PAK1: variants seen among roughly 807,000 people sequenced by gnomAD.
PAK1 encodes the protein serine/threonine-protein kinase PAK 1.
A neutral mutation model predicts 67.4 loss-of-function variants in PAK1; 29 were observed. The observed-to-expected ratio is 0.43, with a 90% confidence interval of 0.32 to 0.59. The LOEUF (loss-of-function observed/expected upper bound fraction) is 0.59, where lower values mean the gene tolerates loss of function less well. PAK1 is among the 20% of genes least tolerant of loss of function. PAK1 has a pLI of 0.07. For missense variants in PAK1, 337 were observed against 670.7 expected, an observed-to-expected ratio of 0.50 and a Z score of 5.50; for synonymous variants, 223 against 237.4, an observed-to-expected ratio of 0.94 and a Z score of 0.56.
At chr11:77,518,033 A>G in the PAK1 span, among the ~76,000 whole-genome samples, 1 of 152,190 alleles carries the variant, frequency 6.6e-6, no homozygotes, top group African/African-American at 2.4e-5. Context: ...ATTATTCCAG[A>G]CAATAAAACT....
At chr11:77,350,694 C>A (rs747583629) in intron 8 of PAK1, among the ~76,000 whole-genome samples, 3 of 152,136 alleles carry the variant, frequency 2.0e-5, no homozygotes, top group Non-Finnish European at 2.9e-5. Flanking sequence ...TGTAAGCATG[C>A]CTTGCAGCTA....
intron 5 of PAK1, among the ~76,000 whole-genome samples, chr11:77,361,832 TTCA>T (rs1464613095): frequency 6.6e-6 from 1 of 152,194 alleles, no homozygotes; most frequent in African/African-American, 2.4e-5. Flanking sequence ...AGCACTTTTA[TTCA>T]TCATATGTTC....
At chr11:77,504,727 G>A in the PAK1 span, among the ~76,000 whole-genome samples, 1 of 152,182 alleles carries the variant, frequency 6.6e-6, no homozygotes, top group Admixed American at 6.5e-5. Context: ...CCATACTTAA[G>A]GATTGCTGAG....
chr11:77,528,124 C>T, the PAK1 span, among the ~76,000 whole-genome samples: 1 of 152,012 alleles, frequency 6.6e-6, no homozygotes, highest in Non-Finnish European at 1.5e-5. Flanking sequence ...CCCAGCCTAT[C>T]CCCACAAACA....
chr11:77,336,990 A>G (rs1419839717), intron 12 of PAK1, among the ~76,000 whole-genome samples: 2 of 151,738 alleles, frequency 1.3e-5, no homozygotes, highest in African/African-American at 4.9e-5. Flanking sequence ...GAAAGAAATT[A>G]TACAAAACTC....
intron 1 of PAK1, among the ~76,000 whole-genome samples, chr11:77,403,459 T>C (rs1042074799): frequency 4.6e-5 from 7 of 152,214 alleles, no homozygotes; most frequent in African/African-American, 7.2e-5. Context: ...TTCCAATACA[T>C]AGAATGAATC....
intron 1 of PAK1, among the ~76,000 whole-genome samples, chr11:77,473,176 G>A (rs1015059782): frequency 4.6e-5 from 7 of 152,334 alleles, no homozygotes; most frequent in African/African-American, 1.7e-4. Context: ...TCCTCGTAGC[G>A]GGACAGGGTG....
intron 1 of PAK1, among the ~76,000 whole-genome samples, chr11:77,427,074 C>T (rs963910578): frequency 1.3e-5 from 2 of 152,106 alleles, no homozygotes; most frequent in African/African-American, 2.4e-5. Context: ...CTCTAGAAAC[C>T]CCCACATGCT....
the PAK1 span, among the ~76,000 whole-genome samples, chr11:77,503,501 C>G: frequency 6.6e-6 from 1 of 152,194 alleles, no homozygotes; most frequent in East Asian, 1.9e-4. Context: ...ATTGAGAACC[C>G]CAAAGAATGT....
chr11:77,453,135 G>A (rs577141031), intron 1 of PAK1, among the ~76,000 whole-genome samples: 2 of 152,274 alleles, frequency 1.3e-5, no homozygotes, highest in South Asian at 2.1e-4. Context: ...CAAGCAGATC[G>A]CCTGAGGTCA....
intron 6 of PAK1, among the ~76,000 whole-genome samples, chr11:77,357,941 T>C (rs1946260756): frequency 6.6e-6 from 1 of 152,106 alleles, no homozygotes; most frequent in Non-Finnish European, 1.5e-5. Context: ...AAAAAAACCA[T>C]ATCAGTGTTA....
intron 1 of PAK1, among the ~76,000 whole-genome samples, chr11:77,437,366 T>G (rs1956171854): frequency 6.6e-6 from 1 of 152,224 alleles, no homozygotes. Context: ...ACAGTGATAG[T>G]AAGAGTACCT....
At chr11:77,464,607 G>A (rs1957509032) in intron 1 of PAK1, among the ~76,000 whole-genome samples, 1 of 152,194 alleles carries the variant, frequency 6.6e-6, no homozygotes, top group South Asian at 2.1e-4. Context: ...CTATAGAGCT[G>A]TACAGATGCT....
chr11:77,514,420 G>A, the PAK1 span, among the ~76,000 whole-genome samples: 5 of 152,092 alleles, frequency 3.3e-5, no homozygotes, highest in Admixed American at 6.6e-5. Context: ...ACTTGAACCT[G>A]GGAGGCAGAG....
intron 5 of PAK1, among the ~76,000 whole-genome samples, chr11:77,373,648 C>T (rs536738623): frequency 2.1e-5 from 3 of 139,590 alleles, no homozygotes; most frequent in Admixed American, 2.1e-4. Flanking sequence ...ATCAACATCA[C>T]ATTTTATCCC....
intron 13 of PAK1, 131 bp from the exon 14 acceptor site, chr11:77,332,998 T>A: frequency 1.3e-6 from 1 of 768,988 alleles, no homozygotes; most frequent in East Asian, 2.5e-5. Flanking sequence ...GTATATATAC[T>A]GGAAAGAGTA....
chr11:77,343,167 T>A (rs1285378058), intron 10 of PAK1, among the ~76,000 whole-genome samples: 1 of 151,446 alleles, frequency 6.6e-6, no homozygotes, highest in South Asian at 2.1e-4. Flanking sequence ...TGCAAAAAAA[T>A]TTTGATGGGC....
At chr11:77,376,234 T>C (rs1949069856) in intron 4 of PAK1, among the ~76,000 whole-genome samples, 4 of 152,080 alleles carry the variant, frequency 2.6e-5, no homozygotes, top group Admixed American at 2.6e-4. Flanking sequence ...GTGATGAACT[T>C]CTATATATCA....
chr11:77,437,051 T>C (rs1211417202), intron 1 of PAK1, among the ~76,000 whole-genome samples: 2 of 152,194 alleles, frequency 1.3e-5, no homozygotes, highest in African/African-American at 4.8e-5. Flanking sequence ...GAAAAAGTCG[T>C]CTGGAAACTA....
Sources: gnomAD v4.1 joint callset for allele counts (sites outside exome capture counted in the v4.1 genomes callset) on GRCh38, gnomAD v4.1.1 for gene constraint, MANE v1.5 for transcripts, NCBI Gene and HGNC (gene_info 2026-07-23, HGNC 2026-07-21) for gene names.